Variants in ZNF385D observed in about 807,000 individuals in gnomAD.
ZNF385D encodes zinc finger protein 385D.
ZNF385D carries 15 observed loss-of-function variants against 35.8 expected under a neutral mutation model. The ratio of observed to expected loss-of-function variants is 0.42; its 90% CI spans 0.28 to 0.64. The LOEUF (loss-of-function observed/expected upper bound fraction) is 0.64, where lower values mean the gene tolerates loss of function less well. ZNF385D is among the 30% of genes least tolerant of loss of function. The probability of loss-of-function intolerance (pLI) is 0.23; values close to 1 mark genes in which losing one functional copy is unlikely to be tolerated. For synonymous variants in ZNF385D, 212 were observed against 186.8 expected, an observed-to-expected ratio of 1.13 and a Z score of -1.10; for missense variants, 474 against 494.6, an observed-to-expected ratio of 0.96 and a Z score of 0.39.
chr3:21,753,809 A>T (rs1575592890), upstream of ZNF385D, among the ~76,000 whole-genome samples: 1 of 136,260 alleles, frequency 7.3e-6, no homozygotes, highest in Admixed American at 7.8e-5. Flanking sequence ...GTGTGTGTGT[A>T]TTTGCGTTTT....
intron 3 of ZNF385D, among the ~76,000 whole-genome samples, chr3:22,024,459 T>G (rs544843426): frequency 3.5e-4 from 54 of 152,116 alleles, no homozygotes; most frequent in African/African-American, 1.1e-3. Flanking sequence ...GTTTCTGGAG[T>G]TGGCTGCTTG....
At chr3:21,849,408 A>G (rs1575771941) in intron 3 of ZNF385D, among the ~76,000 whole-genome samples, 1 of 152,086 alleles carries the variant, frequency 6.6e-6, no homozygotes, top group South Asian at 2.1e-4. Flanking sequence ...TCTTTAACAC[A>G]GGAGAATGTG....
chr3:21,780,426 C>A (rs113195744), intron 3 of ZNF385D, among the ~76,000 whole-genome samples: 1 of 151,944 alleles, frequency 6.6e-6, no homozygotes, highest in Admixed American at 6.6e-5. Context: ...GTTTCTACTG[C>A]GCAGCCCTCA....
intron 6 of ZNF385D, among the ~76,000 whole-genome samples, chr3:21,424,689 CTT>C (rs58781852): frequency 5.4e-4 from 68 of 125,160 alleles, no homozygotes; most frequent in Non-Finnish European, 8.7e-4. Context: ...ACACACATCT[CTT>C]TTTTTTTTTT....
At chr3:21,924,750 A>G (rs1420424596) in intron 3 of ZNF385D, among the ~76,000 whole-genome samples, 2 of 152,212 alleles carry the variant, frequency 1.3e-5, no homozygotes, top group Middle Eastern at 3.4e-3. Flanking sequence ...CATTGCTCTC[A>G]GCCAAGGTAT....
At chr3:22,141,129 C>A (rs1244698837) in intron 3 of ZNF385D, among the ~76,000 whole-genome samples, 4 of 152,124 alleles carry the variant, frequency 2.6e-5, no homozygotes, top group Non-Finnish European at 5.9e-5. Context: ...TACTTAAAAA[C>A]ATAAGAGAGG....
rs868623284 is a variant in ZNF385D, at chr3:21,735,020, A to G, written c.22+15875T>C. Among the ~76,000 whole-genome samples, 67 of 152,224 alleles carry G rather than the reference A, an allele frequency of 4.4e-4. 1 individual carries two copies. Among genetic ancestry groups the G allele is most frequent in the African/African-American group, 1.4e-3 (59 of 41,540 alleles). ...ACAAGTTCCACCCTTTTATCCCCAC[A>G]GCTATGTAGGATCAGAAAATTTTAG... On this transcript the variant is annotated intron_variant, in intron 1 of 7. Coordinates refer to ENST00000281523, the MANE Select transcript of ZNF385D (RefSeq NM_024697.3).
At chr3:21,746,931 T>C (rs1388990225) in intron 1 of ZNF385D, among the ~76,000 whole-genome samples, 1 of 152,150 alleles carries the variant, frequency 6.6e-6, no homozygotes, top group Non-Finnish European at 1.5e-5. Context: ...GACATGAGAA[T>C]GTTCTAAACA....
chr3:22,206,577 T>C (rs908779328), intron 2 of ZNF385D, among the ~76,000 whole-genome samples: 1 of 151,872 alleles, frequency 6.6e-6, no homozygotes, highest in Non-Finnish European at 1.5e-5. Context: ...ATTTCAAGTA[T>C]CTTCTCTGAC....
intron 2 of ZNF385D, among the ~76,000 whole-genome samples, chr3:22,289,929 C>A (rs150605910): frequency 1.9e-3 from 282 of 152,198 alleles, no homozygotes; most frequent in African/African-American, 6.5e-3. Flanking sequence ...AGAAGCTTGA[C>A]TATAAGCAGC....
intron 4 of ZNF385D, among the ~76,000 whole-genome samples, chr3:21,462,985 A>AAAAC (rs913663286): frequency 4.4e-4 from 67 of 152,300 alleles, no homozygotes; most frequent in East Asian, 1.9e-3. Flanking sequence ...CTCTATCTCA[A>AAAAC]AAACAAACAA....
At chr3:21,802,854 C>T (rs1310969419) in intron 3 of ZNF385D, among the ~76,000 whole-genome samples, 1 of 152,088 alleles carries the variant, frequency 6.6e-6, no homozygotes, top group Non-Finnish European at 1.5e-5. Flanking sequence ...AGCTACCAGG[C>T]CTAAACAGAT....
At chr3:22,069,812 G>C (rs1364895562) in intron 3 of ZNF385D, among the ~76,000 whole-genome samples, 2 of 152,072 alleles carry the variant, frequency 1.3e-5, no homozygotes, top group Non-Finnish European at 2.9e-5. Context: ...CCATGAAATA[G>C]TCAGACCCAA....
At chr3:22,142,890 T>C (rs758611400) in intron 3 of ZNF385D, among the ~76,000 whole-genome samples, 61 of 152,050 alleles carry the variant, frequency 4.0e-4, no homozygotes, top group Non-Finnish European at 7.4e-4. Context: ...CCATAAAGAA[T>C]AGCAATAGTA....
intron 2 of ZNF385D, among the ~76,000 whole-genome samples, chr3:22,320,003 C>G (rs911665357): frequency 3.3e-5 from 5 of 151,894 alleles, no homozygotes; most frequent in African/African-American, 7.3e-5. Context: ...AAGAGTGACC[C>G]CTGCCTTGGA....
intron 2 of ZNF385D, among the ~76,000 whole-genome samples, chr3:22,332,335 G>A (rs1694976984): frequency 6.6e-6 from 1 of 152,092 alleles, no homozygotes. Flanking sequence ...CACCCAGATG[G>A]CCTCAAAGAG....
chr3:21,857,367 A>C (rs9855717), intron 3 of ZNF385D, among the ~76,000 whole-genome samples: 37,709 of 152,052 alleles, frequency 0.25, 4,994 homozygotes, highest in Admixed American at 0.3. Flanking sequence ...AGTGCCTAGC[A>C]CATAGTAAGT....
intron 3 of ZNF385D, among the ~76,000 whole-genome samples, chr3:21,930,630 G>T (rs1284068896): frequency 6.6e-6 from 1 of 152,090 alleles, no homozygotes; most frequent in African/African-American, 2.4e-5. Context: ...ATGGCATAAG[G>T]AAAGGCAGTG....
At chr3:21,937,694 T>C (rs61409793) in intron 3 of ZNF385D, among the ~76,000 whole-genome samples, 2 of 152,122 alleles carry the variant, frequency 1.3e-5, no homozygotes, top group East Asian at 3.9e-4. Context: ...AATTATCTGT[T>C]TCCCTACAGC....
Sources: allele counts gnomAD v4.1 joint callset (sites outside exome capture counted in the v4.1 genomes callset), GRCh38; gene constraint gnomAD v4.1.1; transcripts MANE v1.5; gene names NCBI Gene and HGNC (gene_info 2026-07-23, HGNC 2026-07-21).